Variants in ZNF536 observed in about 807,000 individuals in gnomAD.
ZNF536 encodes zinc finger protein 536.
ZNF536 carries 13 observed loss-of-function variants against 84.5 expected under a neutral mutation model. The observed-to-expected ratio is 0.15, with a 90% confidence interval of 0.10 to 0.24. The LOEUF is 0.24. ZNF536 is among the 10% of genes least tolerant of loss of function. The pLI is 1.00. For missense variants in ZNF536, 1,536 were observed against 1,747.5 expected, an observed-to-expected ratio of 0.88 and a Z score of 2.16; for synonymous variants, 811 against 742.5, an observed-to-expected ratio of 1.09 and a Z score of -1.50.
intron 2 of ZNF536, among the ~76,000 whole-genome samples, chr19:30,519,287 C>T (rs968135265): frequency 5.3e-5 from 8 of 152,220 alleles, no homozygotes; most frequent in African/African-American, 1.9e-4. Flanking sequence ...GTGTGGATGT[C>T]GAGCCCTGGC....
chr19:30,350,331 C>T (rs1483627038), intron 2 of ZNF536, among the ~76,000 whole-genome samples: 1 of 152,132 alleles, frequency 6.6e-6, no homozygotes, highest in Non-Finnish European at 1.5e-5. Flanking sequence ...TAATAACTTT[C>T]AGGGGGAATG....
chr19:30,590,189 T>G (rs1165106243), intron 1 of ZNF536, among the ~76,000 whole-genome samples: 2 of 152,170 alleles, frequency 1.3e-5, no homozygotes, highest in Admixed American at 1.3e-4. Context: ...GTGTGAGCCT[T>G]GACCCCCTCA....
intron 2 of ZNF536, among the ~76,000 whole-genome samples, chr19:30,348,335 T>C (rs1043484655): frequency 6.6e-6 from 1 of 152,206 alleles, no homozygotes; most frequent in Non-Finnish European, 1.5e-5. Flanking sequence ...AGAGGCTCAC[T>C]AAGTTGAATA....
intron 1 of ZNF536, among the ~76,000 whole-genome samples, chr19:30,387,129 T>A (rs1227309843): frequency 1.3e-5 from 2 of 152,234 alleles, no homozygotes; most frequent in Non-Finnish European, 2.9e-5. Context: ...ACCGTTTTCA[T>A]GCTGAAGATC....
chr19:30,406,582 T>C (rs1281922938), intron 1 of ZNF536, among the ~76,000 whole-genome samples: 2 of 152,150 alleles, frequency 1.3e-5, no homozygotes, highest in African/African-American at 4.8e-5. Flanking sequence ...ACTTGGATTA[T>C]CTAGCAGTGA....
Position 30,289,888 on chromosome 19 carries a change from T to C in ZNF536, c.-120+5747T>C, listed in dbSNP as rs73924296. Among the ~76,000 whole-genome samples, 1,481 of 152,326 alleles carry C rather than the reference T, an allele frequency of 9.7e-3. 30 individuals carry two copies. Among genetic ancestry groups the C allele is most frequent in the African/African-American group, 0.034 (1,415 of 41,556 alleles). On this transcript the variant is annotated intron_variant, in intron 2 of 5. Transcript: ENST00000585628. Reference sequence around the variant, plus strand: ...AATAATTGCGATAAAATACACATAATATAAAACTTACTATCTTGACCATTT... The same window carrying C: ...AATAATTGCGATAAAATACACATAACATAAAACTTACTATCTTGACCATTT...
chr19:30,431,827 G>C (rs959431978), intron 1 of ZNF536, among the ~76,000 whole-genome samples: 1 of 152,124 alleles, frequency 6.6e-6, no homozygotes, highest in Non-Finnish European at 1.5e-5. Context: ...GAGCCAAGGC[G>C]GGTTAATAGG....
intron 2 of ZNF536, among the ~76,000 whole-genome samples, chr19:30,311,661 A>C (rs2046508914): frequency 6.6e-6 from 1 of 151,676 alleles, no homozygotes; most frequent in South Asian, 2.1e-4. Flanking sequence ...CTCATTCCCC[A>C]GCCTGATACC....
intron 1 of ZNF536, among the ~76,000 whole-genome samples, chr19:30,373,949 C>A (rs753741643): frequency 1.3e-5 from 2 of 152,212 alleles, no homozygotes; most frequent in Middle Eastern, 3.2e-3. Context: ...ACCCGCCGCC[C>A]GCCTGTTTTC....
At chr19:30,626,963 C>T (rs1354627742) in intron 1 of ZNF536, among the ~76,000 whole-genome samples, 1 of 152,030 alleles carries the variant, frequency 6.6e-6, no homozygotes, top group Non-Finnish European at 1.5e-5. Flanking sequence ...TAGCCAAACC[C>T]CTGAAATGTG....
chr19:30,668,351 C>T (rs189013584), intron 1 of ZNF536, among the ~76,000 whole-genome samples: 13 of 152,184 alleles, frequency 8.5e-5, no homozygotes, highest in Non-Finnish European at 1.5e-4. Context: ...CAATCAGGGG[C>T]CCCTTCTAGA....
chr19:30,455,026 T>A (rs948343374), intron 2 of ZNF536, among the ~76,000 whole-genome samples: 1 of 145,312 alleles, frequency 6.9e-6, no homozygotes, highest in Admixed American at 7.1e-5. Context: ...AGAGCAAAAC[T>A]CCATCTCAAA....
At chr19:30,535,043 G>A (rs1350034568) in intron 3 of ZNF536, 44 bp downstream of exon 3, 1 of 1,569,094 alleles carries the variant, frequency 6.4e-7, no homozygotes, top group East Asian at 2.3e-5. Context: ...CAGAGAAGGA[G>A]GAGGTCCCCG....
intron 2 of ZNF536, among the ~76,000 whole-genome samples, chr19:30,467,709 T>G (rs933515130): frequency 5.9e-5 from 9 of 152,198 alleles, no homozygotes; most frequent in Non-Finnish European, 1.2e-4. Context: ...CTTTCTGCAG[T>G]AATGTGCTGT....
chr19:30,551,946 C>A (rs143296497), intron 4 of ZNF536, among the ~76,000 whole-genome samples: 1 of 152,106 alleles, frequency 6.6e-6, no homozygotes, highest in Non-Finnish European at 1.5e-5. Context: ...TATTTTCTTG[C>A]GGGCTACTGT....
Position 30,445,191 on chromosome 19 carries a change from G to A in ZNF536, c.1629G>A (p.Pro543=), listed in dbSNP as rs774627590. ...ATGGCTTCTTGTCTAAAGAGCATCC[G>A]CTGCAGCGCAACCACGAAGACACTT... ...MEHGFLSKEH[P]LQRNHEDTLA... Residue 543 remains proline, a synonymous_variant, in exon 2 of 5, where the codon CCG becomes CCA. Transcript: ENST00000355537. This position sits in a 1 kb window ranked among gnomAD's most constrained non-coding sequence, Gnocchi z 4.5. 8 of 1,614,068 alleles carry A rather than the reference G, an allele frequency of 5.0e-6. No individual in the cohort carries two copies. In the African/African-American group the frequency reaches 6.7e-5, roughly 13 times the overall value.
intron 1 of ZNF536, among the ~76,000 whole-genome samples, chr19:30,264,393 C>CTG (rs1568542275): frequency 9.5e-6 from 1 of 105,140 alleles, no homozygotes; most frequent in Non-Finnish European, 1.7e-5. Context: ...GCAGTTGTGC[C>CTG]TCTGTGTGTG....
chr19:30,613,925 C>T (rs940566829), intron 1 of ZNF536, among the ~76,000 whole-genome samples: 6 of 152,208 alleles, frequency 3.9e-5, no homozygotes, highest in African/African-American at 7.2e-5. Context: ...CGCAGTGGTA[C>T]GATCTTGGCT....
At position 30,534,025 on chromosome 19, in the gene ZNF536, C is replaced by A. The variant is rs545832834; in HGVS notation, c.2171-822C>A. ...TATTTACTATTATGTCCCACAATTT[C>A]TTTGCAGAAGGCAGCCATATGTAAA... is the stretch of plus-strand genomic sequence containing the variant. On this transcript the variant is annotated intron_variant, in intron 2 of 4. Transcript: ENST00000355537. 1.1e-3 allele frequency among the ~76,000 whole-genome samples: 162 copies of A among 152,314 alleles called. 2 individuals are homozygous for A. Among genetic ancestry groups the A allele is most frequent in the African/African-American group, 3.8e-3 (159 of 41,562 alleles).
Sources: allele counts gnomAD v4.1 joint callset (sites outside exome capture counted in the v4.1 genomes callset), GRCh38; gene constraint gnomAD v4.1.1; non-coding constraint Gnocchi (gnomAD v3.1); transcripts MANE v1.5; gene names NCBI Gene and HGNC (gene_info 2026-07-23, HGNC 2026-07-21).